Variants in DST observed in about 807,000 individuals in gnomAD.
DST encodes the protein bullous pemphigoid antigen.
Under a neutral mutation model 875.2 loss-of-function variants are expected in DST, and 253 were observed. The ratio of observed to expected loss-of-function variants is 0.29; its 90% CI spans 0.26 to 0.32. DST has a LOEUF of 0.32. Among genes scored for constraint, DST ranks in the 10% least tolerant of loss-of-function variants. The probability of loss-of-function intolerance (pLI) is 1.00; values close to 1 mark genes in which losing one functional copy is unlikely to be tolerated. For synonymous variants in DST, 3,124 were observed against 3,197.1 expected (o/e 0.98, Z 0.77); for missense variants, 8,287 against 9,111.6 (o/e 0.91, Z 3.68).
intron 50 of DST, among the ~76,000 whole-genome samples, chr6:56,577,928 T>G (rs768126513): frequency 9.9e-5 from 15 of 152,154 alleles, no homozygotes; most frequent in Non-Finnish European, 2.1e-4. Flanking sequence ...CACAAACTCT[T>G]GGGCTTAAAT....
Position 56,902,747 on chromosome 6 carries a change from G to C in DST, c.217-2126C>G, listed in dbSNP as rs577663353. Among the ~76,000 whole-genome samples the C allele has an allele frequency of 2.6e-5, 4 of 152,272 alleles. No individual in the cohort carries two copies. In the South Asian group the frequency reaches 8.3e-4, roughly 32 times the overall value. On this transcript the variant is annotated intron_variant, in intron 2 of 103. Coordinates refer to ENST00000680361, the MANE Select transcript of DST (RefSeq NM_001374736.1). ...ATCCCCACCACTCCCACGTAACTCAGGAGGTACTACAGCAGCTGCTGGAGA... is the reference window on the plus strand; with the variant it reads ...ATCCCCACCACTCCCACGTAACTCACGAGGTACTACAGCAGCTGCTGGAGA...
chr6:56,641,227 T>G (rs906921998), intron 17 of DST, among the ~76,000 whole-genome samples: 1 of 152,146 alleles, frequency 6.6e-6, no homozygotes, highest in Non-Finnish European at 1.5e-5. Flanking sequence ...ACGTATTTTC[T>G]TTCAAGATTT....
intron 2 of DST, among the ~76,000 whole-genome samples, chr6:56,905,435 C>T (rs1413418031): frequency 6.6e-6 from 1 of 152,154 alleles, no homozygotes; most frequent in Non-Finnish European, 1.5e-5. Context: ...CAGCCCCTGG[C>T]AACTACCATT....
Position 56,614,471 on chromosome 6 carries a change from T to C in DST, c.4943A>G (p.Glu1648Gly), listed in dbSNP as rs769266555. The C allele has an allele frequency of 6.2e-7, 1 of 1,605,506 alleles. No homozygotes were observed. The highest frequency in any genetic ancestry group is 1.1e-5 in the South Asian group (1 of 89,138). The change falls in exon 37 of 104, where the codon GAA becomes GGA. Residue 1648 changes from glutamate to glycine, a missense_variant. Glu to Gly is a moderately conservative substitution (Grantham distance 98, BLOSUM62 -2). Transcript: ENST00000680361. Reference protein sequence around the residue: ...RLEEEEKSLEEEKKEHVEKAK... With the variant: ...RLEEEEKSLEGEKKEHVEKAK... ...TTTTTCAACATGTTCTTTCTTTTCT[T>C]CTTCCAGTGACTTCTGACAGTTGTG...
intron 10 of DST, among the ~76,000 whole-genome samples, chr6:56,653,110 A>G (rs2098985347): frequency 6.6e-6 from 1 of 152,248 alleles, no homozygotes; most frequent in African/African-American, 2.4e-5. Context: ...CCCTGCCATT[A>G]GCAAAGAAAG....
At chr6:56,614,535 C>G (rs2098593808) in intron 36 of DST, 51 bp from the exon 37 acceptor site, 2 of 1,495,416 alleles carry the variant, frequency 1.3e-6, no homozygotes, top group Non-Finnish European at 1.8e-6. Flanking sequence ...AATGACTTAG[C>G]TATTAAACTG....
At chr6:56,597,596 T>C (rs1408383588) in intron 47 of DST, 144 bp downstream of exon 47, 3 of 758,700 alleles carry the variant, frequency 4.0e-6, no homozygotes, top group Non-Finnish European at 6.0e-6. Context: ...AGAACTCTCA[T>C]AATAATTTAT....
intron 3 of DST, among the ~76,000 whole-genome samples, chr6:56,853,301 C>A (rs1195694096): frequency 6.6e-6 from 1 of 152,128 alleles, no homozygotes; most frequent in Admixed American, 6.6e-5. Flanking sequence ...TAGCTACAAT[C>A]CATAGGGAGT....
At chr6:56,725,205 G>A (rs1320195098) in intron 5 of DST, among the ~76,000 whole-genome samples, 2 of 152,114 alleles carry the variant, frequency 1.3e-5, no homozygotes, top group African/African-American at 4.8e-5. Flanking sequence ...CCTACCCTGG[G>A]TCACAAAGTA....
chr6:56,891,498 G>C (rs1054486230), intron 3 of DST, among the ~76,000 whole-genome samples: 2 of 151,670 alleles, frequency 1.3e-5, no homozygotes, highest in African/African-American at 4.9e-5. Flanking sequence ...ACCGGGAGGT[G>C]GAGCTTGCAG....
chr6:56,948,900 C>A (rs545317219), intron 2 of DST, among the ~76,000 whole-genome samples: 2 of 152,144 alleles, frequency 1.3e-5, no homozygotes, highest in Non-Finnish European at 2.9e-5. Context: ...AGATACTTGG[C>A]CTATTACTTC....
At chr6:56,472,891 A>C (rs1453815782) in intron 93 of DST, among the ~76,000 whole-genome samples, 9 of 152,192 alleles carry the variant, frequency 5.9e-5, no homozygotes, top group Admixed American at 5.9e-4. Flanking sequence ...TGACCTTAAC[A>C]AATTTTTCTC....
At chr6:56,504,173 A>C (rs2096238388) in intron 77 of DST, 75 bp from the exon 78 acceptor site, 1 of 864,172 alleles carries the variant, frequency 1.2e-6, no homozygotes, top group African/African-American at 1.7e-5. Context: ...GTACTACAGA[A>C]AAATACAATC....
chr6:56,640,293 T>C lies in DST; in HGVS notation c.2340A>G (p.Ser780=), dbSNP rs372907839. The C allele has an allele frequency of 2.5e-6, 4 of 1,614,174 alleles. No individual in the cohort carries two copies. The highest frequency in any genetic ancestry group is 1.1e-5 in the South Asian group (1 of 91,084). Residue 780 remains serine (S), a synonymous_variant, in exon 18 of 104, where the codon TCA becomes TCG. Transcript: ENST00000680361. Reference sequence around the variant, plus strand: ...TTTGCAATGAATTTGGCTCTACTCCTGAACTGAAATTTGGAACTAATCCTG... The same window carrying C: ...TTTGCAATGAATTTGGCTCTACTCCCGAACTGAAATTTGGAACTAATCCTG... ...FPSGLVPNFS[S]GVEPNSLQTL... is the part of the protein sequence containing the mutation.
At chr6:56,619,902 C>G (rs200881938) in intron 36 of DST, 1 of 1,614,058 alleles carries the variant, frequency 6.2e-7, no homozygotes. Context: ...TCTTGTTCAG[C>G]CTTTCTATTG....
At chr6:56,933,155 C>T (rs556419202) in intron 2 of DST, among the ~76,000 whole-genome samples, 6 of 152,044 alleles carry the variant, frequency 3.9e-5, no homozygotes, top group Admixed American at 3.3e-4. Flanking sequence ...CACCAGAAAC[C>T]AGAGCTAACA....
chr6:56,684,331 ATAATT>A (rs1221423695), intron 9 of DST, among the ~76,000 whole-genome samples: 29 of 152,378 alleles, frequency 1.9e-4, no homozygotes, highest in African/African-American at 6.7e-4. Flanking sequence ...AAATAACTGT[ATAATT>A]TAAAGTGTTA....
chr6:56,677,890 T>C (rs555819788), intron 9 of DST, among the ~76,000 whole-genome samples: 1 of 152,200 alleles, frequency 6.6e-6, no homozygotes, highest in African/African-American at 2.4e-5. Flanking sequence ...GTAAACAAAG[T>C]CTCATGTCTT....
intron 5 of DST, among the ~76,000 whole-genome samples, chr6:56,718,299 G>A (rs1428172064): frequency 6.6e-6 from 1 of 152,058 alleles, no homozygotes; most frequent in Non-Finnish European, 1.5e-5. Flanking sequence ...TGGCCAATAA[G>A]CACATGAAAA....
Sources: gnomAD v4.1 joint callset for allele counts (sites outside exome capture counted in the v4.1 genomes callset) on GRCh38, gnomAD v4.1.1 for gene constraint, MANE v1.5 for transcripts, NCBI Gene and HGNC (gene_info 2026-07-23, HGNC 2026-07-21) for gene names.